The following STX11 variants were observed in gnomAD, a reference collection of about 807,000 sequenced individuals.
STX11 encodes the protein syntaxin 11.
A neutral mutation model predicts 19.9 loss-of-function variants in STX11; 21 were observed. The ratio of observed to expected loss-of-function variants is 1.06; its 90% CI spans 0.75 to 1.52. The LOEUF is 1.52. STX11 is among the 40% of genes most tolerant of loss of function. The pLI, the probability that STX11 is intolerant of heterozygous loss-of-function variation, is 0.00. For synonymous variants in STX11, 193 were observed against 174.4 expected (o/e 1.11, Z -0.84); for missense variants, 438 against 405.9 (o/e 1.08, Z -0.68).
chr6:144,167,927 A>G lies in STX11; in HGVS notation c.-6+17224A>G, dbSNP rs1350664705. On this transcript the variant is annotated intron_variant, in intron 1 of 1. Transcript: ENST00000367568. The surrounding 1 kb of genome is among the most constrained non-coding windows in gnomAD (Gnocchi z 5.0). ...TGAACCACCATGCCTCACTACAGTCATGTTCTTAGACTTATTCACACATAA... is the reference window on the plus strand; with the variant it reads ...TGAACCACCATGCCTCACTACAGTCGTGTTCTTAGACTTATTCACACATAA... 6.6e-6 allele frequency among the ~76,000 whole-genome samples: 1 copy of G among 152,222 alleles called. No homozygotes were observed. The highest frequency in any genetic ancestry group is 2.4e-5 in the African/African-American group (1 of 41,458).
At chr6:144,140,252 A>ATATT in the STX11 span, among the ~76,000 whole-genome samples, 169 of 51,928 alleles carry the variant, frequency 3.3e-3, no homozygotes, top group African/African-American at 8.1e-3. Flanking sequence ...ATATATATAT[A>ATATT]TATTTATTTA....
chr6:144,147,382 A>G (rs552061859), upstream of STX11, among the ~76,000 whole-genome samples: 1 of 152,240 alleles, frequency 6.6e-6, no homozygotes, highest in African/African-American at 2.4e-5. The surrounding 1 kb of genome is among the most constrained non-coding windows in gnomAD (Gnocchi z 4.2). Context: ...TTTCACAGTT[A>G]ATTGTTCTTT....
Position 144,174,660 on chromosome 6 carries a change from T to A in STX11, c.-5-11963T>A, listed in dbSNP as rs1801732834. ...GATTACAGATATGAGTCCCTGTGCC[T>A]GGCCAGAAAAGTTTTTTTTGCACCC... On this transcript the variant is annotated intron_variant, in intron 1 of 1. Transcript: ENST00000367568. This position sits in a 1 kb window ranked among gnomAD's most constrained non-coding sequence, Gnocchi z 5.3. 6.6e-6 allele frequency among the ~76,000 whole-genome samples: 1 copy of A among 152,176 alleles called. No homozygotes were observed.
rs1179448894 is a variant in STX11, at chr6:144,176,891, T to G, written c.-5-9732T>G. ...AAACTTCAGTTACTGTAAAGGTTAC[T>G]TACATGGAAAACCCTCATGCATTGA... On this transcript the variant is annotated intron_variant, in intron 1 of 1. Coordinates refer to ENST00000367568, the MANE Select transcript of STX11 (RefSeq NM_003764.4). This position sits in a 1 kb window ranked among gnomAD's most constrained non-coding sequence, Gnocchi z 4.1. Among the ~76,000 whole-genome samples, 1 of 152,188 alleles carries G rather than the reference T, an allele frequency of 6.6e-6. No individual in the cohort carries two copies. Among genetic ancestry groups the G allele is most frequent in the East Asian group, 1.9e-4 (1 of 5,196 alleles).
chr6:144,186,293 G>A (rs1044574937), intron 1 of STX11, among the ~76,000 whole-genome samples: 1 of 149,398 alleles, frequency 6.7e-6, no homozygotes, highest in Non-Finnish European at 1.5e-5. Context: ...TTGTGCACAT[G>A]TACCCTAGAA....
intron 1 of STX11, among the ~76,000 whole-genome samples, chr6:144,157,150 C>T (rs1454308678): frequency 6.6e-6 from 1 of 152,176 alleles, no homozygotes; most frequent in Non-Finnish European, 1.5e-5. Context: ...TTGGGAAGTG[C>T]TCTGGGCACA....
chr6:144,140,186 C>A, the STX11 span, among the ~76,000 whole-genome samples: 1 of 134,432 alleles, frequency 7.4e-6, no homozygotes, highest in Non-Finnish European at 1.6e-5. Context: ...AACCTGTTTA[C>A]TCTGCCATTT....
chr6:144,151,187 T>TA lies in STX11; in HGVS notation c.-6+485dup. 1 of 965,736 alleles carries TA rather than the reference T, an allele frequency of 1.0e-6. No individual in the cohort carries two copies. The highest frequency in any genetic ancestry group is 1.2e-6 in the Non-Finnish European group (1 of 811,968). The allele number at this position is 965,736 out of a possible 1,614,324, so 59.8% of individuals were successfully genotyped here. A position where few individuals can be genotyped will look rare whatever the true frequency, so the allele number is the denominator to read the frequency against. ...TAGCCAGGAAAGACGGAGAAATTGA[T>TA]AGAGCCTTCGAGGAGTCCCTTCGAA... is the stretch of plus-strand genomic sequence containing the variant. On this transcript the variant is annotated intron_variant, in intron 1 of 1. Coordinates refer to ENST00000367568, the MANE Select transcript of STX11 (RefSeq NM_003764.4). This position sits in a 1 kb window ranked among gnomAD's most constrained non-coding sequence, Gnocchi z 4.6.
the STX11 span, among the ~76,000 whole-genome samples, chr6:144,144,547 A>G: frequency 5.5e-4 from 84 of 152,366 alleles, no homozygotes; most frequent in East Asian, 0.016. Flanking sequence ...GCCAAATATT[A>G]ATAACTGTCT....
intron 1 of STX11, among the ~76,000 whole-genome samples, chr6:144,157,301 G>A (rs539501017): frequency 2.6e-5 from 4 of 152,272 alleles, no homozygotes; most frequent in African/African-American, 7.2e-5. Context: ...GAGGCAAGAG[G>A]CTCAGCATTT....
At position 144,169,614 on chromosome 6, in the gene STX11, T is replaced by G. The variant is rs1365129893; in HGVS notation, c.-5-17009T>G. 6.6e-6 allele frequency among the ~76,000 whole-genome samples: 1 copy of G among 152,068 alleles called. No homozygotes were observed. The highest frequency in any genetic ancestry group is 1.5e-5 in the Non-Finnish European group (1 of 68,002). On this transcript the variant is annotated intron_variant, in intron 1 of 1. Transcript: ENST00000367568. This position sits in a 1 kb window ranked among gnomAD's most constrained non-coding sequence, Gnocchi z 5.2. ...TTTCTAGCTTTATACAGTGTTTTCCTCCCTCCTCCCCTTCCTTTTTTCTCT... is the reference window on the plus strand; with the variant it reads ...TTTCTAGCTTTATACAGTGTTTTCCGCCCTCCTCCCCTTCCTTTTTTCTCT...
rs1801023038 is a variant in STX11, at chr6:144,152,142, T to C, written c.-6+1439T>C. 6.6e-6 allele frequency among the ~76,000 whole-genome samples: 1 copy of C among 152,188 alleles called. No individual in the cohort carries two copies. The highest frequency in any genetic ancestry group is 6.5e-5 in the Admixed American group (1 of 15,280). ...TATAACTCAATATGCTGGGTCCCAGTGTATTTAAAGAGTAGACTCAGCAGA... is the reference window on the plus strand; with the variant it reads ...TATAACTCAATATGCTGGGTCCCAGCGTATTTAAAGAGTAGACTCAGCAGA... On this transcript the variant is annotated intron_variant, in intron 1 of 1. Transcript: ENST00000367568. The surrounding 1 kb of genome is among the most constrained non-coding windows in gnomAD (Gnocchi z 4.9).
At position 144,172,025 on chromosome 6, in the gene STX11, C is replaced by G. The variant is rs1383356699; in HGVS notation, c.-5-14598C>G. On this transcript the variant is annotated intron_variant, in intron 1 of 1. Coordinates refer to ENST00000367568, the MANE Select transcript of STX11 (RefSeq NM_003764.4). This position sits in a 1 kb window ranked among gnomAD's most constrained non-coding sequence, Gnocchi z 4.2. ...TAACAATAAACTTTTGTTTTAAATGCACGAGAATTTACTTTCCAGAAATTA... is the reference window on the plus strand; with the variant it reads ...TAACAATAAACTTTTGTTTTAAATGGACGAGAATTTACTTTCCAGAAATTA... 6.6e-6 allele frequency among the ~76,000 whole-genome samples: 1 copy of G among 152,114 alleles called. No homozygotes were observed. Among genetic ancestry groups the G allele is most frequent in the Non-Finnish European group, 1.5e-5 (1 of 68,020 alleles).
upstream of STX11, among the ~76,000 whole-genome samples, chr6:144,146,474 G>A (rs747070552): frequency 1.8e-4 from 28 of 152,024 alleles, no homozygotes; most frequent in Non-Finnish European, 3.8e-4. This position sits in a 1 kb window ranked among gnomAD's most constrained non-coding sequence, Gnocchi z 4.4. Context: ...CACCATGCCC[G>A]GCTAATTTTG....
At chr6:144,147,164 T>C (rs370377892), upstream of STX11, among the ~76,000 whole-genome samples, 19 of 146,144 alleles carry the variant, frequency 1.3e-4, no homozygotes, top group African/African-American at 5.0e-4. The surrounding 1 kb of genome is among the most constrained non-coding windows in gnomAD (Gnocchi z 4.2). Context: ...TAGCTTCTAA[T>C]TAAAAAAAAA....
At position 144,187,362 on chromosome 6, in the gene STX11, C is replaced by A. The variant is rs144787735; in HGVS notation, c.735C>A (p.Ile245=). ...AGCAGGCCGACACCCTGAACGTCAT[C>A]GAGCTCAACGTACAAAAGACGGTCG... The part of the protein sequence containing the change: ...VEKQADTLNV[I]ELNVQKTVDY... The change falls in exon 2 of 2, where the codon ATC becomes ATA. Residue 245 remains isoleucine (I), a synonymous_variant. Transcript: ENST00000367568. This position sits in a 1 kb window ranked among gnomAD's most constrained non-coding sequence, Gnocchi z 5.6. 1.9e-6 allele frequency: 3 copies of A among 1,610,328 alleles called. No individual in the cohort carries two copies. In the South Asian group the frequency reaches 3.3e-5, roughly 18 times the overall value.
chr6:144,189,508 A>G lies in STX11; in HGVS notation c.*2017A>G, dbSNP rs931467526. Among the ~76,000 whole-genome samples, 2 of 152,188 alleles carry G rather than the reference A, an allele frequency of 1.3e-5. No individual in the cohort carries two copies. Among genetic ancestry groups the G allele is most frequent in the Admixed American group, 6.5e-5 (1 of 15,282 alleles). On this transcript the variant is annotated 3_prime_UTR_variant, in exon 2 of 2. Coordinates refer to ENST00000367568, the MANE Select transcript of STX11 (RefSeq NM_003764.4). ...AGTCTGCAAACTTCTTAATGCCCTT[A>G]CCCACATTTACCATGTTTCCTGGCC...
chr6:144,166,843 C>G (rs901184488), intron 1 of STX11, among the ~76,000 whole-genome samples: 2 of 147,858 alleles, frequency 1.4e-5, no homozygotes, highest in African/African-American at 2.5e-5. Context: ...CCCCCTTTCC[C>G]CCTTCCCTTC....
At position 144,170,998 on chromosome 6, in the gene STX11, A is replaced by G. The variant is rs1801616012; in HGVS notation, c.-5-15625A>G. ...AGACCAGGTATAGAGAAGATGGCCT[A>G]CAACAATACAGAACATAGCAGAGGC... On this transcript the variant is annotated intron_variant, in intron 1 of 1. Coordinates refer to ENST00000367568, the MANE Select transcript of STX11 (RefSeq NM_003764.4). This position sits in a 1 kb window ranked among gnomAD's most constrained non-coding sequence, Gnocchi z 4.7. Among the ~76,000 whole-genome samples, 1 of 152,226 alleles carries G rather than the reference A, an allele frequency of 6.6e-6. No individual in the cohort carries two copies. Among genetic ancestry groups the G allele is most frequent in the South Asian group, 2.1e-4 (1 of 4,832 alleles).
Sources: allele counts gnomAD v4.1 joint callset (sites outside exome capture counted in the v4.1 genomes callset), GRCh38; gene constraint gnomAD v4.1.1; non-coding constraint Gnocchi (gnomAD v3.1); transcripts MANE v1.5; gene names NCBI Gene and HGNC (gene_info 2026-07-23, HGNC 2026-07-21).